Variants in PTPRK observed in about 807,000 individuals in gnomAD.
PTPRK encodes the protein receptor-type tyrosine-protein phosphatase kappa.
Under a neutral mutation model 178.0 loss-of-function variants are expected in PTPRK, and 75 were observed. The observed-to-expected ratio is 0.42, with a 90% CI of 0.35 to 0.51. The LOEUF (loss-of-function observed/expected upper bound fraction) is 0.51. Ranked by LOEUF, PTPRK falls within the 20% of genes least tolerant of loss-of-function variation. The pLI is 0.02. For synonymous variants in PTPRK, 637 were observed against 620.6 expected, an observed-to-expected ratio of 1.03 and a Z score of -0.39; for missense variants, 1,441 against 1,797.8, an observed-to-expected ratio of 0.80 and a Z score of 3.59.
intron 3 of PTPRK, among the ~76,000 whole-genome samples, chr6:128,296,694 A>G (rs1262626581): frequency 6.6e-6 from 1 of 152,326 alleles, no homozygotes; most frequent in Admixed American, 6.5e-5. Flanking sequence ...TGTCACCACC[A>G]GGCCTGCCCT....
intron 1 of PTPRK, among the ~76,000 whole-genome samples, chr6:128,499,959 T>C (rs1012926630): frequency 6.6e-6 from 1 of 152,244 alleles, no homozygotes; most frequent in Non-Finnish European, 1.5e-5. Context: ...CTTAGCTCAA[T>C]GCTAGGACCA....
Position 128,371,997 on chromosome 6 carries a change from A to T in PTPRK, c.223+25569T>A, listed in dbSNP as rs117236024. Among the ~76,000 whole-genome samples the T allele has an allele frequency of 2.6e-3, 400 of 152,280 alleles. 2 individuals carry two copies. Among genetic ancestry groups the T allele is most frequent in the Non-Finnish European group, 4.5e-3 (305 of 68,022 alleles). On this transcript the variant is annotated intron_variant, in intron 2 of 29. Transcript: ENST00000368226. ...ATTCAATGGCATTTTAGTACAAGAA[A>T]AACTGGTTAGAGATTAGGACCTCCG...
At chr6:128,244,910 T>G (rs1346673754) in intron 3 of PTPRK, among the ~76,000 whole-genome samples, 12 of 152,154 alleles carry the variant, frequency 7.9e-5, no homozygotes. Context: ...CAAGAGAAAC[T>G]GAAACTAATA....
chr6:128,211,949 T>C (rs1350418879), intron 6 of PTPRK, among the ~76,000 whole-genome samples: 2 of 152,000 alleles, frequency 1.3e-5, no homozygotes, highest in Non-Finnish European at 2.9e-5. Flanking sequence ...TGATTCCAAT[T>C]TGTCAACTAT....
chr6:128,383,996 T>C (rs1022785236), intron 2 of PTPRK, among the ~76,000 whole-genome samples: 9 of 152,202 alleles, frequency 5.9e-5, no homozygotes, highest in Non-Finnish European at 1.0e-4. Flanking sequence ...ACCCAAATGC[T>C]TTATACAGCT....
At chr6:128,232,052 C>T (rs933760349) in intron 5 of PTPRK, 3 of 152,190 alleles carry the variant, frequency 2.0e-5, no homozygotes, top group Non-Finnish European at 2.9e-5. Flanking sequence ...CAGTCTCCAC[C>T]GTGGTCTAGT....
At chr6:128,334,922 T>G (rs1830717832) in intron 2 of PTPRK, among the ~76,000 whole-genome samples, 3 of 152,058 alleles carry the variant, frequency 2.0e-5, no homozygotes, top group Non-Finnish European at 4.4e-5. Context: ...ACCCTGTCTC[T>G]ACTAAAAATA....
At chr6:128,280,057 A>G (rs144578505) in intron 3 of PTPRK, among the ~76,000 whole-genome samples, 1 of 152,314 alleles carries the variant, frequency 6.6e-6, no homozygotes, top group African/African-American at 2.4e-5. Flanking sequence ...AAATTCATGC[A>G]TGTATGAATA....
chr6:128,307,020 T>C (rs1826486977), intron 3 of PTPRK, among the ~76,000 whole-genome samples: 1 of 151,820 alleles, frequency 6.6e-6, no homozygotes, highest in African/African-American at 2.4e-5. Flanking sequence ...TTAAAGGATC[T>C]AGATGCCAGT....
chr6:128,144,267 C>A (rs905717938), intron 7 of PTPRK, among the ~76,000 whole-genome samples: 6 of 152,086 alleles, frequency 3.9e-5, no homozygotes, highest in Non-Finnish European at 8.8e-5. Context: ...AATAACTTAC[C>A]AAATAATGAA....
intron 7 of PTPRK, among the ~76,000 whole-genome samples, chr6:128,170,876 T>G (rs1459084276): frequency 6.6e-6 from 1 of 151,876 alleles, no homozygotes; most frequent in Non-Finnish European, 1.5e-5. Flanking sequence ...AAACTAGCAT[T>G]TTTAGACATA....
chr6:128,239,555 G>T (rs1004879721), intron 5 of PTPRK, among the ~76,000 whole-genome samples: 3 of 152,120 alleles, frequency 2.0e-5, no homozygotes, highest in Admixed American at 1.3e-4. Context: ...CTTCACCTCA[G>T]ATCTGTGATT....
intron 5 of PTPRK, among the ~76,000 whole-genome samples, chr6:128,228,752 C>A (rs1462573777): frequency 6.6e-6 from 1 of 151,554 alleles, no homozygotes; most frequent in African/African-American, 2.4e-5. Flanking sequence ...GAAAATACCA[C>A]ATACCTGATG....
Position 128,067,525 on chromosome 6 carries a change from C to T in PTPRK, c.2151G>A (p.Val717=). The T allele has an allele frequency of 6.5e-7, 1 of 1,538,718 alleles. No homozygotes were observed. Among genetic ancestry groups the T allele is most frequent in the Non-Finnish European group, 8.8e-7 (1 of 1,134,994 alleles). The change falls in exon 12 of 30, where the codon GTG becomes GTA. Residue 717 remains valine (V), a synonymous_variant. Transcript: ENST00000368226. ...AATCCTGGAGGAAGCTCACCTTCTC[C>T]ACACTGCTCATCGCCTGGAAATAGA... is the stretch of plus-strand genomic sequence containing the variant. ...YNIYFQAMSS[V]EKETKTQCVR...
chr6:128,488,637 TA>T (rs1230272849), intron 1 of PTPRK, among the ~76,000 whole-genome samples: 5 of 152,232 alleles, frequency 3.3e-5, no homozygotes, highest in Non-Finnish European at 7.3e-5. Flanking sequence ...ATATGCTGGA[TA>T]ATTACATTCC....
At chr6:128,038,827 C>T (rs1180492659) in intron 13 of PTPRK, among the ~76,000 whole-genome samples, 1 of 151,970 alleles carries the variant, frequency 6.6e-6, no homozygotes, top group Non-Finnish European at 1.5e-5. Flanking sequence ...AACAATTTTA[C>T]AACTGTCTCT....
chr6:128,074,564 A>ATTT, intron 11 of PTPRK, among the ~76,000 whole-genome samples: 1 of 152,206 alleles, frequency 6.6e-6, no homozygotes, highest in East Asian at 1.9e-4. Context: ...GAACACAGTA[A>ATTT]TGATTGTCAA....
chr6:128,186,037 A>G (rs1443006297), intron 6 of PTPRK, among the ~76,000 whole-genome samples: 1 of 152,110 alleles, frequency 6.6e-6, no homozygotes, highest in Non-Finnish European at 1.5e-5. Context: ...GAATAAGATT[A>G]TCTGGTCTGT....
At chr6:127,981,684 A>C (rs966945986) in intron 24 of PTPRK, among the ~76,000 whole-genome samples, 33 of 152,168 alleles carry the variant, frequency 2.2e-4, no homozygotes, top group African/African-American at 8.0e-4. Context: ...GGCATGTTGG[A>C]AAGAGCACTG....
Sources: gnomAD v4.1 joint callset for allele counts (sites outside exome capture counted in the v4.1 genomes callset) on GRCh38, gnomAD v4.1.1 for gene constraint, MANE v1.5 for transcripts, NCBI Gene and HGNC (gene_info 2026-07-23, HGNC 2026-07-21) for gene names.